CREB5: variants seen among roughly 807,000 people sequenced by gnomAD.
The protein encoded by CREB5 is cyclic AMP-responsive element-binding protein 5.
CREB5 carries 19 observed loss-of-function variants against 57.1 expected under a neutral mutation model. That is an observed-to-expected ratio of 0.33 (90% CI 0.23 to 0.49). The LOEUF is 0.49. Among genes scored for constraint, CREB5 ranks in the 20% least tolerant of loss-of-function variants. The pLI, the probability that CREB5 is intolerant of heterozygous loss-of-function variation, is 0.99. For synonymous variants in CREB5, 238 were observed against 238.3 expected, an observed-to-expected ratio of 1.00 and a Z score of 0.01; for missense variants, 579 against 671.6, an observed-to-expected ratio of 0.86 and a Z score of 1.52.
chr7:28,551,998 C>T (rs1268574895), intron 4 of CREB5, among the ~76,000 whole-genome samples: 1 of 26,212 alleles, frequency 3.8e-5, no homozygotes, highest in Non-Finnish European at 5.7e-5. Flanking sequence ...TCTCTCTTTT[C>T]TCTCTCTCTC....
chr7:28,807,319 G>C (rs1281380475), intron 8 of CREB5, among the ~76,000 whole-genome samples: 1 of 152,066 alleles, frequency 6.6e-6, no homozygotes, highest in African/African-American at 2.4e-5. Flanking sequence ...CATGGTGGCA[G>C]GCACCTGTAA....
chr7:28,647,106 A>AGGGAATCACCGAATTAGCCAGAGG (rs1798918924), intron 5 of CREB5, among the ~76,000 whole-genome samples: 3 of 151,316 alleles, frequency 2.0e-5, no homozygotes, highest in African/African-American at 7.3e-5. Context: ...TTAGCCAGAG[A>AGGGAATCACCGAATTAGCCAGAGG]CTGGAGGGAA....
At chr7:28,579,176 C>T (rs1022644088) in intron 5 of CREB5, among the ~76,000 whole-genome samples, 2 of 152,166 alleles carry the variant, frequency 1.3e-5, no homozygotes, top group Non-Finnish European at 2.9e-5. Context: ...AATGCTTTCT[C>T]GTAGCTCAAA....
At chr7:28,402,107 A>T (rs1583422184) in intron 1 of CREB5, among the ~76,000 whole-genome samples, 1 of 152,124 alleles carries the variant, frequency 6.6e-6, no homozygotes, top group East Asian at 1.9e-4. Context: ...CACCATTCCA[A>T]CTGGTGTGAG....
At chr7:28,560,893 TGTGCGTGC>T (rs1437419750) in intron 4 of CREB5, among the ~76,000 whole-genome samples, 359 of 20,436 alleles carry the variant, frequency 0.018, 37 homozygotes, top group African/African-American at 0.065. Context: ...CGTGCGTGTG[TGTGCGTGC>T]GCGCGTGCGT....
chr7:28,658,300 TG>T, intron 5 of CREB5, among the ~76,000 whole-genome samples: 1 of 152,298 alleles, frequency 6.6e-6, no homozygotes, highest in South Asian at 2.1e-4. Flanking sequence ...TGACCTACCC[TG>T]TGATTGTACG....
rs1809550956 is a variant in CREB5 at position 28,818,171 on chromosome 7, G to C, written c.1355G>C (p.Gly452Ala). ...ACAGCCATGCAGAAAGAATCACAAG[G>C]ATATCTAAGTAAGTCGCCGACTTTT... ...PITAMQKESQ[G>A]YLSPESSPPA... Residue 452 changes from glycine (G) to alanine (A), a missense_variant, in exon 10 of 11, where the codon GGA becomes GCA. Coordinates refer to ENST00000357727, the MANE Select transcript of CREB5 (RefSeq NM_182898.4). The C allele has an allele frequency of 1.2e-6, 2 of 1,610,766 alleles. No homozygotes were observed. Among genetic ancestry groups the C allele is most frequent in the Non-Finnish European group, 1.7e-6 (2 of 1,178,210 alleles).
chr7:28,817,289 A>G (rs1319903475), intron 9 of CREB5, among the ~76,000 whole-genome samples: 3 of 152,204 alleles, frequency 2.0e-5, no homozygotes, highest in African/African-American at 7.2e-5. Context: ...TGTGTACTGT[A>G]TGCTTCCATA....
chr7:28,494,147 A>G (rs1433900011), intron 2 of CREB5, among the ~76,000 whole-genome samples: 2 of 152,228 alleles, frequency 1.3e-5, no homozygotes, highest in African/African-American at 4.8e-5. Context: ...CATTAACTAC[A>G]TTTGAAAAGT....
chr7:28,761,746 G>T (rs771274395), intron 7 of CREB5, among the ~76,000 whole-genome samples: 2 of 151,798 alleles, frequency 1.3e-5, no homozygotes, highest in African/African-American at 2.4e-5. Context: ...GTGTGTGTGT[G>T]TGTGTATCAT....
intron 7 of CREB5, among the ~76,000 whole-genome samples, chr7:28,759,619 G>A (rs1805533299): frequency 6.6e-6 from 1 of 152,216 alleles, no homozygotes. Context: ...ACCAAGTGGA[G>A]CATTGGTTGC....
intron 5 of CREB5, among the ~76,000 whole-genome samples, chr7:28,709,588 A>G (rs1802299946): frequency 6.6e-6 from 1 of 152,188 alleles, no homozygotes; most frequent in Admixed American, 6.5e-5. Flanking sequence ...TGCAGTGTAT[A>G]TGCTATAAAA....
intron 1 of CREB5, among the ~76,000 whole-genome samples, chr7:28,350,368 G>A (rs1786162888): frequency 2.0e-5 from 3 of 152,086 alleles, no homozygotes; most frequent in African/African-American, 7.2e-5. Flanking sequence ...TCTCCTCACA[G>A]CTTATCATCC....
chr7:28,328,682 C>T (rs559412955), intron 1 of CREB5, among the ~76,000 whole-genome samples: 1 of 152,204 alleles, frequency 6.6e-6, no homozygotes, highest in South Asian at 2.1e-4. Flanking sequence ...TCATTAGGCA[C>T]TCTGCTTCTG....
chr7:28,657,671 C>T (rs1447382302), intron 5 of CREB5, among the ~76,000 whole-genome samples: 4 of 138,140 alleles, frequency 2.9e-5, no homozygotes, highest in African/African-American at 5.4e-5. Flanking sequence ...GAGCGGAGAT[C>T]GTGCCACTGC....
intron 5 of CREB5, among the ~76,000 whole-genome samples, chr7:28,590,604 C>T (rs148558603): frequency 8.0e-5 from 12 of 150,762 alleles, no homozygotes; most frequent in East Asian, 3.9e-4. Flanking sequence ...GTGCAGCACA[C>T]GAACATGCCA....
chr7:28,301,019 C>T (rs527807879), intron 1 of CREB5, among the ~76,000 whole-genome samples: 2 of 152,190 alleles, frequency 1.3e-5, no homozygotes, highest in Non-Finnish European at 2.9e-5. Flanking sequence ...AGAACCACTG[C>T]TCTAGAGACT....
chr7:28,505,118 TA>T (rs1792427137), intron 3 of CREB5, among the ~76,000 whole-genome samples: 1 of 152,190 alleles, frequency 6.6e-6, no homozygotes. Context: ...AAATAATTTT[TA>T]CATAATATGG....
intron 5 of CREB5, among the ~76,000 whole-genome samples, chr7:28,595,487 CT>C (rs1383178880): frequency 6.6e-6 from 1 of 152,144 alleles, no homozygotes; most frequent in Non-Finnish European, 1.5e-5. Context: ...ACATTTCTTT[CT>C]GCCTCTATCT....
Sources: allele counts gnomAD v4.1 joint callset (sites outside exome capture counted in the v4.1 genomes callset), GRCh38; gene constraint gnomAD v4.1.1; transcripts MANE v1.5; gene names NCBI Gene and HGNC (gene_info 2026-07-23, HGNC 2026-07-21).